HHAT: variants seen among roughly 807,000 people sequenced by gnomAD.
The protein encoded by HHAT is hedgehog acyltransferase.
A neutral mutation model predicts 70.8 loss-of-function variants in HHAT; 47 were observed. That is an observed-to-expected ratio of 0.66 (90% confidence interval 0.53 to 0.85). The LOEUF (loss-of-function observed/expected upper bound fraction) is 0.85. Among genes scored for constraint, HHAT ranks in the 40% least tolerant of loss-of-function variants. HHAT has a pLI of 0.00. For missense variants in HHAT, 609 were observed against 604.8 expected, an observed-to-expected ratio of 1.01 and a Z score of -0.07; for synonymous variants, 228 against 247.6, an observed-to-expected ratio of 0.92 and a Z score of 0.74.
At chr1:210,453,846 G>A (rs943915725) in intron 7 of HHAT, among the ~76,000 whole-genome samples, 11 of 152,156 alleles carry the variant, frequency 7.2e-5, no homozygotes, top group Non-Finnish European at 2.9e-5. Context: ...GGCAAAGTGA[G>A]TGATGGACTG....
chr1:210,386,868 G>C (rs80296958), intron 3 of HHAT, among the ~76,000 whole-genome samples: 8,273 of 152,190 alleles, frequency 0.054, 263 homozygotes, highest in South Asian at 0.083. Flanking sequence ...AGAGCTTCTT[G>C]GGGGGAAGGG....
rs184386285 is a variant in HHAT, at chr1:210,522,417, G to C, written c.1043+9229G>C. 2.0e-5 allele frequency among the ~76,000 whole-genome samples: 3 copies of C among 152,346 alleles called. No homozygotes were observed. In the East Asian group the frequency reaches 5.8e-4, roughly 29 times the overall value. ...GTTTTAAATAAAAAGTGAAGAACAT[G>C]TAAGTGAAGAGACCCGGGTAACCAA... is the stretch of plus-strand genomic sequence containing the variant. On this transcript the variant is annotated intron_variant, in intron 9 of 11. Transcript: ENST00000261458.
chr1:210,522,320 G>C lies in HHAT; in HGVS notation c.1043+9132G>C, dbSNP rs150502707. On this transcript the variant is annotated intron_variant, in intron 9 of 11. Transcript: ENST00000261458. ...CTCCTTTGAAGTGACTGCAGTATCA[G>C]TTTCTTTTAAACTTTTCTTTGATTC... 3.2e-3 allele frequency among the ~76,000 whole-genome samples: 482 copies of C among 152,294 alleles called. 2 individuals are homozygous for C. Among genetic ancestry groups the C allele is most frequent in the African/African-American group, 0.011 (466 of 41,558 alleles).
intron 2 of HHAT, among the ~76,000 whole-genome samples, chr1:210,360,304 G>GTTTTTTTTTT (rs398053777): frequency 7.2e-6 from 1 of 138,176 alleles, no homozygotes; most frequent in African/African-American, 2.6e-5. Context: ...TTGTTTTTGT[G>GTTTTTTTTTT]TTTTTTTTTT....
intron 9 of HHAT, among the ~76,000 whole-genome samples, chr1:210,559,994 A>G (rs74722444): frequency 0.059 from 8,965 of 152,178 alleles, 828 homozygotes; most frequent in African/African-American, 0.2. Context: ...CACTAATCGT[A>G]GAAGGCCCTT....
At chr1:210,413,275 T>G (rs1451501195) in intron 6 of HHAT, among the ~76,000 whole-genome samples, 2 of 152,236 alleles carry the variant, frequency 1.3e-5, no homozygotes, top group Non-Finnish European at 2.9e-5. Flanking sequence ...CACAAATAGT[T>G]TTCATGACTG....
chr1:210,485,240 A>T (rs952776214), intron 8 of HHAT, among the ~76,000 whole-genome samples: 3 of 152,090 alleles, frequency 2.0e-5, no homozygotes, highest in Admixed American at 1.3e-4. Flanking sequence ...TATATACCTG[A>T]CTTTTTAACA....
intron 9 of HHAT, among the ~76,000 whole-genome samples, chr1:210,535,560 C>T (rs558524622): frequency 4.6e-4 from 70 of 151,960 alleles, no homozygotes; most frequent in Middle Eastern, 6.8e-3. Flanking sequence ...GGGGGTAGAC[C>T]AGTCCGCTTG....
chr1:210,348,986 G>A lies in HHAT; in HGVS notation c.11G>A (p.Arg4Gln), dbSNP rs758421766. MLP[R>Q]WELALYLLAS... ...TCGTGCCAAGGAGCCATGCTGCCCC[G>A]ATGGGAACTGGCACTTTACCTACTT... The change falls in exon 2 of 12, where the codon CGA (arginine) becomes CAA (glutamine). Residue 4 changes from arginine (R) to glutamine (Q), a missense_variant. Arg to Gln is a conservative substitution (Grantham distance 43). Transcript: ENST00000261458. 11 of 1,613,930 alleles carry A rather than the reference G, an allele frequency of 6.8e-6. 1 individual carries two copies. Among genetic ancestry groups the A allele is most frequent in the Middle Eastern group, 1.7e-4 (1 of 6,060 alleles).
chr1:210,639,627 T>C (rs1009508221), intron 11 of HHAT, among the ~76,000 whole-genome samples: 1 of 152,212 alleles, frequency 6.6e-6, no homozygotes, highest in Admixed American at 6.5e-5. Context: ...TAAATGTGCA[T>C]GACACTCACT....
chr1:210,537,866 A>G (rs2095390210), intron 9 of HHAT, among the ~76,000 whole-genome samples: 1 of 152,230 alleles, frequency 6.6e-6, no homozygotes, highest in Non-Finnish European at 1.5e-5. Context: ...TGAAAGAAGA[A>G]CAGTTTGAGA....
chr1:210,629,287 T>C (rs1428378206), intron 11 of HHAT, among the ~76,000 whole-genome samples: 1 of 152,218 alleles, frequency 6.6e-6, no homozygotes, highest in Non-Finnish European at 1.5e-5. Context: ...CAACCAGGCA[T>C]AGAATGTGAG....
At chr1:210,568,362 G>A (rs1245522337) in intron 9 of HHAT, among the ~76,000 whole-genome samples, 1 of 152,220 alleles carries the variant, frequency 6.6e-6, no homozygotes, top group African/African-American at 2.4e-5. Context: ...GTAGATGTAA[G>A]TAAGTTTCCC....
intron 9 of HHAT, among the ~76,000 whole-genome samples, chr1:210,578,133 T>G (rs1658345178): frequency 6.6e-6 from 1 of 152,190 alleles, no homozygotes; most frequent in Admixed American, 6.5e-5. Context: ...GACTTTTCTT[T>G]GTTGTGAGGT....
At chr1:210,489,981 A>C (rs887658811) in intron 8 of HHAT, among the ~76,000 whole-genome samples, 1 of 152,240 alleles carries the variant, frequency 6.6e-6, no homozygotes, top group Non-Finnish European at 1.5e-5. Context: ...ACATCTTAAC[A>C]TAGAGCAGCT....
chr1:210,528,175 T>C (rs1010540067), intron 9 of HHAT, among the ~76,000 whole-genome samples: 1 of 152,146 alleles, frequency 6.6e-6, no homozygotes, highest in Admixed American at 6.5e-5. Flanking sequence ...GAGAGACACA[T>C]GGTCCTACAA....
intron 8 of HHAT, among the ~76,000 whole-genome samples, chr1:210,485,134 T>C (rs2094455159): frequency 6.6e-6 from 1 of 152,128 alleles, no homozygotes; most frequent in Non-Finnish European, 1.5e-5. Flanking sequence ...CATGAGAATA[T>C]GAATGAGGAA....
chr1:210,534,434 A>G (rs1573103169), intron 9 of HHAT, among the ~76,000 whole-genome samples: 1 of 151,868 alleles, frequency 6.6e-6, no homozygotes, highest in Admixed American at 6.6e-5. Context: ...GCTTTTTTTT[A>G]TATAACAATC....
At chr1:210,614,540 T>A (rs1055455456) in intron 10 of HHAT, among the ~76,000 whole-genome samples, 1 of 152,190 alleles carries the variant, frequency 6.6e-6, no homozygotes, top group Non-Finnish European at 1.5e-5. Context: ...TAGGTATATC[T>A]CCTAATGCTA....
Sources: gnomAD v4.1 joint callset for allele counts (sites outside exome capture counted in the v4.1 genomes callset) on GRCh38, gnomAD v4.1.1 for gene constraint, MANE v1.5 for transcripts, NCBI Gene and HGNC (gene_info 2026-07-23, HGNC 2026-07-21) for gene names.